Variants in CD96 observed in about 807,000 individuals in gnomAD.
The protein encoded by CD96 is T-cell surface protein tactile.
Under a neutral mutation model 71.3 loss-of-function variants are expected in CD96, and 70 were observed. The ratio of observed to expected loss-of-function variants is 0.98; its 90% CI spans 0.81 to 1.20. The LOEUF is 1.20. CD96 is among the 50% of genes most tolerant of loss of function. The pLI, the probability that CD96 is intolerant of heterozygous loss-of-function variation, is 0.00. For synonymous variants in CD96, 248 were observed against 233.0 expected (o/e 1.06, Z -0.59); for missense variants, 742 against 677.5 (o/e 1.10, Z -1.06).
intron 8 of CD96, among the ~76,000 whole-genome samples, chr3:111,617,713 A>C (rs1353218095): frequency 6.6e-6 from 1 of 152,146 alleles, no homozygotes; most frequent in Non-Finnish European, 1.5e-5. Context: ...AGTTGTCAGC[A>C]TACCTCGTTC....
At chr3:111,663,018 A>G (rs572338346) in intron 14 of CD96, among the ~76,000 whole-genome samples, 4 of 152,328 alleles carry the variant, frequency 2.6e-5, no homozygotes, top group African/African-American at 4.8e-5. Context: ...AAAGAGGTTT[A>G]ACTGACTCGC....
downstream of CD96, among the ~76,000 whole-genome samples, chr3:111,653,486 A>T (rs1489535451): frequency 6.6e-6 from 1 of 152,256 alleles, no homozygotes; most frequent in Non-Finnish European, 1.5e-5. Context: ...TTTTGTTTTA[A>T]CAAGAAGATA....
At chr3:111,599,783 C>A (rs1244302918) in intron 6 of CD96, among the ~76,000 whole-genome samples, 1 of 152,134 alleles carries the variant, frequency 6.6e-6, no homozygotes, top group Non-Finnish European at 1.5e-5. Flanking sequence ...ATAGGCAAAG[C>A]ACCCAGATTT....
At chr3:111,589,143 G>T (rs1333846699) in intron 5 of CD96, among the ~76,000 whole-genome samples, 1 of 151,704 alleles carries the variant, frequency 6.6e-6, no homozygotes, top group Non-Finnish European at 1.5e-5. Flanking sequence ...GTAGAGATGG[G>T]GTTTCACCGT....
chr3:111,597,663 T>C (rs2107641459), intron 5 of CD96, among the ~76,000 whole-genome samples: 1 of 152,354 alleles, frequency 6.6e-6, no homozygotes, highest in South Asian at 2.1e-4. Flanking sequence ...TTTCTGTGAT[T>C]GTTACAAATA....
intron 5 of CD96, chr3:111,593,041 A>G (rs1337730080): frequency 6.6e-6 from 1 of 152,444 alleles, no homozygotes; most frequent in Admixed American, 6.5e-5. Context: ...ACAAGCTTTT[A>G]TTCATACTGG....
At chr3:111,625,728 A>T (rs1321228723) in intron 10 of CD96, among the ~76,000 whole-genome samples, 2 of 152,176 alleles carry the variant, frequency 1.3e-5, no homozygotes, top group Non-Finnish European at 2.9e-5. Flanking sequence ...TAACAAAGAG[A>T]CATAACCATA....
Position 111,650,978 on chromosome 3 carries a change from T to C in CD96, c.*1172T>C, listed in dbSNP as rs1239825300. On this transcript the variant is annotated 3_prime_UTR_variant, in exon 14 of 14. Coordinates refer to ENST00000352690, the MANE Select transcript of CD96 (RefSeq NM_005816.5). ...CTTTAGTCCCAAAAGGAAACTTTAG[T>C]TCACTTGCAGTATGCTTATCCTTGA... is the stretch of plus-strand genomic sequence containing the variant. 2 of 152,222 alleles carry C rather than the reference T, an allele frequency of 1.3e-5. No individual in the cohort carries two copies. The highest frequency in any genetic ancestry group is 3.8e-4 in the East Asian group (2 of 5,196). 9.4% of individuals were successfully genotyped at this position (152,222 alleles called of 1,614,324 possible). A position where few individuals can be genotyped will look rare whatever the true frequency, so the allele number is the denominator to read the frequency against.
At chr3:111,555,132 A>C (rs1934923619) in intron 2 of CD96, among the ~76,000 whole-genome samples, 1 of 151,828 alleles carries the variant, frequency 6.6e-6, no homozygotes, top group African/African-American at 2.4e-5. Flanking sequence ...CCCATTCCTT[A>C]ACAGGCCACG....
At chr3:111,619,796 A>G (rs1285014334) in intron 8 of CD96, among the ~76,000 whole-genome samples, 1 of 152,262 alleles carries the variant, frequency 6.6e-6, no homozygotes, top group Non-Finnish European at 1.5e-5. Flanking sequence ...TAGTTACAGA[A>G]TCTCCAGGTC....
At chr3:111,625,451 G>C (rs1576406110) in intron 10 of CD96, among the ~76,000 whole-genome samples, 2 of 152,072 alleles carry the variant, frequency 1.3e-5, no homozygotes, top group Admixed American at 6.5e-5. Context: ...TCAGAAGGGG[G>C]AGCATAGAAA....
chr3:111,624,847 C>T (rs752212059), intron 10 of CD96, among the ~76,000 whole-genome samples: 24 of 152,366 alleles, frequency 1.6e-4, no homozygotes, highest in Non-Finnish European at 2.5e-4. Flanking sequence ...GAGAGACCAA[C>T]GTGAGTCCAG....
chr3:111,570,770 T>C, intron 3 of CD96: 1 of 1,613,596 alleles, frequency 6.2e-7, no homozygotes, highest in Non-Finnish European at 8.5e-7. Flanking sequence ...CCTCATCCTC[T>C]AGATCCAGGG....
At chr3:111,608,079 G>A (rs1042989763) in intron 8 of CD96, among the ~76,000 whole-genome samples, 1 of 141,898 alleles carries the variant, frequency 7.0e-6, no homozygotes, top group Non-Finnish European at 1.6e-5. Flanking sequence ...GCTAACCTGG[G>A]TTCTTTCATG....
At chr3:111,632,895 C>T (rs868592708) in intron 10 of CD96, among the ~76,000 whole-genome samples, 15 of 152,284 alleles carry the variant, frequency 9.9e-5, no homozygotes, top group Middle Eastern at 3.4e-3. Flanking sequence ...CACATGTTCT[C>T]GAATTTTCTC....
intron 8 of CD96, chr3:111,607,178 G>T: frequency 4.3e-6 from 1 of 231,816 alleles, no homozygotes. Flanking sequence ...TATTCAGTGA[G>T]GAATTTAAAT....
intron 2 of CD96, among the ~76,000 whole-genome samples, chr3:111,559,019 T>C (rs1935235447): frequency 1.3e-5 from 2 of 152,218 alleles, no homozygotes; most frequent in South Asian, 2.1e-4. Flanking sequence ...TATTCTCTGA[T>C]GGTAGTTTGT....
chr3:111,643,092 T>C (rs1237650368), intron 12 of CD96, among the ~76,000 whole-genome samples: 2 of 127,848 alleles, frequency 1.6e-5, no homozygotes, highest in Non-Finnish European at 3.3e-5. Context: ...AAAAAAAAAC[T>C]AGCTAACCAA....
At chr3:111,631,141 G>T (rs1939041392) in intron 10 of CD96, among the ~76,000 whole-genome samples, 1 of 152,132 alleles carries the variant, frequency 6.6e-6, no homozygotes. Context: ...GGAAGTTCTG[G>T]CCAGGGCAGC....
Sources: allele counts gnomAD v4.1 joint callset (sites outside exome capture counted in the v4.1 genomes callset), GRCh38; gene constraint gnomAD v4.1.1; transcripts MANE v1.5; gene names NCBI Gene and HGNC (gene_info 2026-07-23, HGNC 2026-07-21).